The following FLT4 variants were observed in gnomAD, a reference collection of about 807,000 sequenced individuals.
FLT4 encodes vascular endothelial growth factor receptor 3.
In FLT4, 30 loss-of-function variants were observed where a neutral mutation model predicts 163.2. That is an observed-to-expected ratio of 0.18 (90% CI 0.14 to 0.25). The LOEUF (loss-of-function observed/expected upper bound fraction) is 0.25, where lower values mean the gene tolerates loss of function less well. Ranked by LOEUF, FLT4 falls within the 10% of genes least tolerant of loss-of-function variation. FLT4 has a pLI of 1.00. For missense variants in FLT4, 1,510 were observed against 1,863.8 expected (o/e 0.81, Z 3.50); for synonymous variants, 884 against 789.5 (o/e 1.12, Z -2.01).
rs369180707 is a variant in FLT4 at position 180,630,112 on chromosome 5, G to A, written c.514-7C>T. ...GCCACAGCACCGAGCTTTGCTGGAG[G>A]GACAAGGCCACCATCATTGCCCAGC... On this transcript the variant is annotated splice_polypyrimidine_tract_variant and splice_region_variant and intron_variant, in intron 4 of 29. Coordinates refer to ENST00000261937, the MANE Select transcript of FLT4 (RefSeq NM_182925.5). The surrounding 1 kb of genome is among the most constrained non-coding windows in gnomAD (Gnocchi z 6.3). The A allele has an allele frequency of 1.9e-6, 3 of 1,612,616 alleles. No homozygotes were observed. Among genetic ancestry groups the A allele is most frequent in the Non-Finnish European group, 2.5e-6 (3 of 1,180,014 alleles).
rs200634892 is a variant in FLT4 at position 180,644,051 on chromosome 5, T to C, written c.58+5437A>G. Among the ~76,000 whole-genome samples the C allele has an allele frequency of 2.0e-5, 3 of 152,122 alleles. No homozygotes were observed. In the East Asian group the frequency reaches 5.8e-4, roughly 29 times the overall value. On this transcript the variant is annotated intron_variant, in intron 1 of 29. Transcript: ENST00000261937. ...TGGCCAGGCTCTCAAACTCTTAACCTTGTGATCCGCCCGCCTTGGCCTCCC... is the reference window on the plus strand; with the variant it reads ...TGGCCAGGCTCTCAAACTCTTAACCCTGTGATCCGCCCGCCTTGGCCTCCC...
At chr5:180,613,611 C>T (rs1282102119) in intron 24 of FLT4, 3 of 293,794 alleles carry the variant, frequency 1.0e-5, no homozygotes, top group Non-Finnish European at 2.0e-5. Flanking sequence ...CTACACTCTT[C>T]CTGCTCCTTT....
chr5:180,640,349 G>A (rs1291038397), intron 1 of FLT4, among the ~76,000 whole-genome samples: 2 of 152,328 alleles, frequency 1.3e-5, no homozygotes, highest in Non-Finnish European at 2.9e-5. Context: ...AGCCCAGTCT[G>A]GCTGAGTCCA....
intron 24 of FLT4, 37 bp downstream of exon 24, chr5:180,614,031 G>T: frequency 7.0e-7 from 1 of 1,423,834 alleles, no homozygotes; most frequent in Non-Finnish European, 9.9e-7. Context: ...CAGTGACCTC[G>T]CCTCCTCTCC....
Position 180,621,238 on chromosome 5 carries a change from G to A in FLT4, c.2035C>T (p.Arg679Trp), listed in dbSNP as rs1324497116. 4.3e-6 allele frequency: 7 copies of A among 1,612,180 alleles called. No homozygotes were observed. The highest frequency in any genetic ancestry group is 1.1e-5 in the South Asian group (1 of 91,056). The change falls in exon 14 of 30, where the codon CGG becomes TGG. Residue 679 changes from arginine to tryptophan, a missense_variant. Physicochemically the swap from Arg to Trp is moderately radical, Grantham distance 101. This residue lies in a region of FLT4 where 878 missense variants were observed against 1,016.7 expected (regional missense o/e 0.86). Coordinates refer to ENST00000261937, the MANE Select transcript of FLT4 (RefSeq NM_182925.5). ...YLSVQALEAP[R>W]LTQNLTDLLV... ...AGGTCGGTCAAGTTCTGCGTGAGCC[G>A]AGGGGCTTCCAGGGCTGGGGGCAGG...
intron 8 of FLT4, among the ~76,000 whole-genome samples, chr5:180,628,252 C>T (rs1345891420): frequency 2.0e-5 from 3 of 152,162 alleles, no homozygotes; most frequent in Admixed American, 2.0e-4. Context: ...GGCCTGAGGA[C>T]GTGTTTGTGA....
chr5:180,610,012 C>T lies in FLT4; in HGVS notation c.3700G>A (p.Val1234Met), dbSNP rs1487839393. Residue 1234 changes from valine to methionine, a missense_variant, in exon 28 of 30, where the codon GTG (valine) becomes ATG (methionine). Around this residue, in one of 5 missense-constraint regions of FLT4, gnomAD observed 295 missense variants for 311.0 expected, o/e 0.95. Coordinates refer to ENST00000261937, the MANE Select transcript of FLT4 (RefSeq NM_182925.5). ...CTGGCCAGGCACCCGGGAAAGGACA[C>T]CCAGTTGTAATACCTGTGGGGAGAA... ...HSLAARYYNW[V>M]SFPGCLARGA... is the part of the protein sequence containing the mutation. The T allele has an allele frequency of 1.2e-6, 2 of 1,614,180 alleles. No homozygotes were observed. The highest frequency in any genetic ancestry group is 2.2e-5 in the East Asian group (1 of 44,878).
intron 1 of FLT4, among the ~76,000 whole-genome samples, chr5:180,638,102 G>T (rs545263286): frequency 6.6e-6 from 1 of 152,064 alleles, no homozygotes; most frequent in Non-Finnish European, 1.5e-5. Flanking sequence ...CCTCTCCCCA[G>T]CTCCCCTCTG....
chr5:180,649,338 C>G, intron 1 of FLT4, 150 bp downstream of exon 1: 1 of 480,632 alleles, frequency 2.1e-6, no homozygotes. Flanking sequence ...GCGCCCCAAG[C>G]GCCGTGCTCC....
chr5:180,610,146 T>C, intron 27 of FLT4, 121 bp from the exon 28 acceptor site: 1 of 1,415,846 alleles, frequency 7.1e-7, no homozygotes. Flanking sequence ...GGCAGGAGTA[T>C]GGATGGGCCT....
chr5:180,644,945 C>T (rs980374257), intron 1 of FLT4, among the ~76,000 whole-genome samples: 5 of 152,232 alleles, frequency 3.3e-5, no homozygotes, highest in Non-Finnish European at 5.9e-5. Flanking sequence ...GGAGCAGCAC[C>T]GTCTGCCCGG....
In FLT4 at chr5:180,602,440, C is replaced by T. The variant is rs189061036; in HGVS notation, c.*752G>A. On this transcript the variant is annotated 3_prime_UTR_variant, in exon 30 of 30. Coordinates refer to ENST00000261937, the MANE Select transcript of FLT4 (RefSeq NM_182925.5). Reference sequence around the variant, plus strand: ...TAGACTCAGTACAGCTGTCCCTGGGCGCCTTCCAGGCTGAATTCGGAAAGC... The same window carrying T: ...TAGACTCAGTACAGCTGTCCCTGGGTGCCTTCCAGGCTGAATTCGGAAAGC... The T allele has an allele frequency of 2.0e-5, 8 of 391,268 alleles. No individual in the cohort carries two copies. Among genetic ancestry groups the T allele is most frequent in the East Asian group, 7.2e-5 (2 of 27,598 alleles). The allele number at this position is 391,268 out of a possible 1,614,324, so 24.2% of individuals were successfully genotyped here.
At chr5:180,618,481 TC>T (rs1460349895) in intron 21 of FLT4, among the ~76,000 whole-genome samples, 2 of 151,662 alleles carry the variant, frequency 1.3e-5, no homozygotes. Flanking sequence ...CACGTCCTAC[TC>T]CCAGAGCAGT....
intron 1 of FLT4, among the ~76,000 whole-genome samples, chr5:180,649,045 CG>C (rs1765622062): frequency 6.6e-6 from 1 of 152,086 alleles, no homozygotes. Context: ...CGCTGGGCGT[CG>C]GGAAGTGCGC....
chr5:180,633,018 T>C (rs562538407), intron 1 of FLT4, among the ~76,000 whole-genome samples: 17 of 151,706 alleles, frequency 1.1e-4, no homozygotes, highest in African/African-American at 3.9e-4. Flanking sequence ...AACACGTCCC[T>C]TGGGGTTTGA....
intron 1 of FLT4, among the ~76,000 whole-genome samples, chr5:180,645,678 C>T (rs1401614607): frequency 6.6e-6 from 1 of 152,198 alleles, no homozygotes; most frequent in Admixed American, 6.5e-5. Context: ...CCTGCTGTTA[C>T]CCCGTCCAGC....
At chr5:180,628,793 G>C in intron 8 of FLT4, 89 bp downstream of exon 8, 1 of 921,838 alleles carries the variant, frequency 1.1e-6, no homozygotes, top group Non-Finnish European at 1.7e-6. Context: ...TCCTGACGGG[G>C]AGGACGCTGC....
chr5:180,623,840 C>T lies in FLT4; in HGVS notation c.1548+95G>A. 1 of 1,534,672 alleles carries T rather than the reference C, an allele frequency of 6.5e-7. No individual in the cohort carries two copies. The highest frequency in any genetic ancestry group is 9.0e-7 in the Non-Finnish European group (1 of 1,112,198). Reference sequence around the variant, plus strand: ...CCGCTCTCGGCTGCTCTGCCCAGCACTCTGGAAGCCAGGTGGAAACCACAT... The same window carrying T: ...CCGCTCTCGGCTGCTCTGCCCAGCATTCTGGAAGCCAGGTGGAAACCACAT... On this transcript the variant is annotated intron_variant, in intron 11 of 29. Transcript: ENST00000261937. This position sits in a 1 kb window ranked among gnomAD's most constrained non-coding sequence, Gnocchi z 5.8.
At chr5:180,626,356 A>C in intron 8 of FLT4, 91 bp from the exon 9 acceptor site, 1 of 1,446,166 alleles carries the variant, frequency 6.9e-7, no homozygotes, top group Non-Finnish European at 9.6e-7. Flanking sequence ...AGTTGGGAGG[A>C]GGGAGGGGCT....
Sources: allele counts gnomAD v4.1 joint callset (sites outside exome capture counted in the v4.1 genomes callset), GRCh38; gene constraint gnomAD v4.1.1; regional missense constraint gnomAD v4.1.1; non-coding constraint Gnocchi (gnomAD v3.1); transcripts MANE v1.5; gene names NCBI Gene and HGNC (gene_info 2026-07-23, HGNC 2026-07-21).